RELT: variants seen among roughly 807,000 people sequenced by gnomAD.
The protein encoded by RELT is tumor necrosis factor receptor superfamily member 19L.
RELT carries 37 observed loss-of-function variants against 51.1 expected under a neutral mutation model. The observed-to-expected ratio is 0.72, with a 90% confidence interval of 0.56 to 0.95. The LOEUF is 0.95. RELT is among the 40% of genes least tolerant of loss of function. The probability of loss-of-function intolerance (pLI) is 0.00; values close to 1 mark genes in which losing one functional copy is unlikely to be tolerated. For missense variants in RELT, 535 were observed against 572.6 expected (o/e 0.93, Z 0.67); for synonymous variants, 241 against 235.7 (o/e 1.02, Z -0.21).
intron 9 of RELT, 34 bp from the exon 10 acceptor site, chr11:73,395,053 G>A (rs751430619): frequency 1.5e-5 from 23 of 1,574,620 alleles, no homozygotes; most frequent in Middle Eastern, 1.7e-4. Context: ...CGGGATCCCC[G>A]CTAACGGGGA....
At chr11:73,390,489 A>C in intron 2 of RELT, 62 bp from the exon 3 acceptor site, 3 of 1,459,010 alleles carry the variant, frequency 2.1e-6, no homozygotes, top group Non-Finnish European at 2.9e-6. Context: ...TGGGGGATAG[A>C]TGACCCCAGA....
At chr11:73,377,976 C>T (rs1865996602) in intron 1 of RELT, among the ~76,000 whole-genome samples, 1 of 152,150 alleles carries the variant, frequency 6.6e-6, no homozygotes, top group Non-Finnish European at 1.5e-5. Context: ...GCTTCCTGGT[C>T]CTCTGTCACG....
chr11:73,379,547 G>A (rs550948327), intron 1 of RELT, among the ~76,000 whole-genome samples: 2 of 152,344 alleles, frequency 1.3e-5, no homozygotes, highest in Non-Finnish European at 2.9e-5. Context: ...TTGAGGTTCT[G>A]AGAATTCAGG....
chr11:73,387,060 C>G (rs1233415828), intron 1 of RELT, among the ~76,000 whole-genome samples: 1 of 152,098 alleles, frequency 6.6e-6, no homozygotes, highest in Admixed American at 6.5e-5. Context: ...ATTCCCCTGC[C>G]TCAGCCTCCC....
At chr11:73,391,974 G>T in intron 5 of RELT, 1 of 592,708 alleles carries the variant, frequency 1.7e-6, no homozygotes, top group Non-Finnish European at 3.0e-6. Flanking sequence ...TGAGGGGAGG[G>T]TGGGGCTGGG....
intron 1 of RELT, among the ~76,000 whole-genome samples, chr11:73,377,352 C>A (rs1488140659): frequency 1.3e-5 from 2 of 151,208 alleles, no homozygotes; most frequent in Non-Finnish European, 2.9e-5. Flanking sequence ...ACCTAGGACA[C>A]CTTCCGGCAG....
chr11:73,378,493 AC>A (rs1866003602), intron 1 of RELT, among the ~76,000 whole-genome samples: 1 of 152,202 alleles, frequency 6.6e-6, no homozygotes, highest in African/African-American at 2.4e-5. Context: ...CCAAGGTCAT[AC>A]AGAGTCAGGA....
intron 5 of RELT, 43 bp downstream of exon 5, chr11:73,391,266 C>T (rs377285062): frequency 5.4e-5 from 83 of 1,551,352 alleles, no homozygotes; most frequent in Middle Eastern, 5.1e-4. Flanking sequence ...GGGGTATGTG[C>T]GGGAGGGGCC....
At chr11:73,393,064 C>T in intron 6 of RELT, 1 of 997,950 alleles carries the variant, frequency 1.0e-6, no homozygotes, top group Non-Finnish European at 1.2e-6. Context: ...GCCCTGGGCC[C>T]ATGGGAGCCT....
In RELT at chr11:73,394,064, G is replaced by A; in HGVS notation, c.706+147G>A. 1 of 954,850 alleles carries A rather than the reference G, an allele frequency of 1.0e-6. No individual in the cohort carries two copies. The highest frequency in any genetic ancestry group is 1.6e-6 in the Non-Finnish European group (1 of 610,326). 59.1% of individuals were successfully genotyped at this position (954,850 alleles called of 1,614,324 possible). A position where few individuals can be genotyped will look rare whatever the true frequency, so the allele number is the denominator to read the frequency against. On this transcript the variant is annotated intron_variant, in intron 7 of 10. Transcript: ENST00000064780. This position sits in a 1 kb window ranked among gnomAD's most constrained non-coding sequence, Gnocchi z 4.9. ...AAGCAGCCTGGTGCTCTCTGACCCA[G>A]GAGTGCACACCTCTGCCTCCCATTC...
intron 5 of RELT, chr11:73,391,871 A>C: frequency 2.3e-6 from 1 of 430,060 alleles, no homozygotes. Flanking sequence ...CTGAGGCACT[A>C]GATTCATGGC....
At chr11:73,391,922 C>A (rs1565222792) in intron 5 of RELT, 1 of 548,172 alleles carries the variant, frequency 1.8e-6, no homozygotes. Flanking sequence ...TGTGCCCAGA[C>A]ATGTGTCCTG....
At chr11:73,382,580 C>A (rs1285792091) in intron 1 of RELT, among the ~76,000 whole-genome samples, 2 of 152,172 alleles carry the variant, frequency 1.3e-5, no homozygotes, top group African/African-American at 4.8e-5. Flanking sequence ...AGATACCAGG[C>A]CTGGGTGGCT....
At position 73,393,891 on chromosome 11, in the gene RELT, T is replaced by C; in HGVS notation, c.680T>C (p.Leu227Pro). ...GCCAATGAGGACACCATTGGGGTCCTGGTGCGCTTGATCACAGAGAAGAAA... is the reference window on the plus strand; with the variant it reads ...GCCAATGAGGACACCATTGGGGTCCCGGTGCGCTTGATCACAGAGAAGAAA... Reference protein sequence around the residue: ...EDANEDTIGVLVRLITEKKEN... With the variant: ...EDANEDTIGVPVRLITEKKEN... Residue 227 changes from leucine (L) to proline (P), a missense_variant, in exon 7 of 11, where the codon CTG becomes CCG. By Grantham distance (98) the Leu-to-Pro change is moderately conservative. Transcript: ENST00000064780. 1.2e-6 allele frequency: 2 copies of C among 1,614,038 alleles called. No homozygotes were observed. The highest frequency in any genetic ancestry group is 2.7e-5 in the African/African-American group (2 of 75,034).
At chr11:73,377,231 GCT>G (rs2134433857) in intron 1 of RELT, among the ~76,000 whole-genome samples, 1 of 152,102 alleles carries the variant, frequency 6.6e-6, no homozygotes, top group East Asian at 1.9e-4. Context: ...AGCCGAGCTC[GCT>G]GGCGCCATGG....
chr11:73,382,667 G>T (rs1490596049), intron 1 of RELT, among the ~76,000 whole-genome samples: 1 of 152,198 alleles, frequency 6.6e-6, no homozygotes, highest in Non-Finnish European at 1.5e-5. Flanking sequence ...AGTTGTTACA[G>T]GCTACCACTT....
At chr11:73,395,311 G>A (rs200691736) in intron 10 of RELT, 26 bp downstream of exon 10, 2 of 1,611,144 alleles carry the variant, frequency 1.2e-6, no homozygotes, top group East Asian at 4.5e-5. Flanking sequence ...AAAGGCATCT[G>A]TTGGCACCTG....
intron 1 of RELT, among the ~76,000 whole-genome samples, chr11:73,385,855 C>T (rs1248405055): frequency 6.6e-6 from 1 of 152,140 alleles, no homozygotes; most frequent in Non-Finnish European, 1.5e-5. Context: ...AATGAGACCC[C>T]GTCTCTACAG....
chr11:73,385,376 A>G (rs557031178), intron 1 of RELT, among the ~76,000 whole-genome samples: 6 of 152,264 alleles, frequency 3.9e-5, no homozygotes, highest in East Asian at 3.9e-4. Context: ...TGTGGCCTCA[A>G]TCGTGGTCTG....
Sources: allele counts gnomAD v4.1 joint callset (sites outside exome capture counted in the v4.1 genomes callset), GRCh38; gene constraint gnomAD v4.1.1; non-coding constraint Gnocchi (gnomAD v3.1); transcripts MANE v1.5; gene names NCBI Gene and HGNC (gene_info 2026-07-23, HGNC 2026-07-21).